Variants in DYDC2 observed in about 807,000 individuals in gnomAD.
DYDC2 encodes the protein DPY30 domain-containing protein 2.
Under a neutral mutation model 18.7 loss-of-function variants are expected in DYDC2, and 19 were observed. The observed-to-expected ratio is 1.02, with a 90% CI of 0.71 to 1.49. DYDC2 has a LOEUF of 1.49. Ranked by LOEUF, DYDC2 falls within the 40% of genes most tolerant of loss-of-function variation. DYDC2 has a pLI of 0.00. For synonymous variants in DYDC2, 63 were observed against 67.6 expected, an observed-to-expected ratio of 0.93 and a Z score of 0.34; for missense variants, 179 against 205.1, an observed-to-expected ratio of 0.87 and a Z score of 0.78.
Position 80,367,518 on chromosome 10 carries a change from G to T in DYDC2, c.*567G>T, listed in dbSNP as rs572581500. ...TATGGCTACTTGAGATAATGGGAGT[G>T]CTAGAAGCAAGGAGCCAGCAAGTCT... On this transcript the variant is annotated 3_prime_UTR_variant, in exon 5 of 5. Transcript: ENST00000256039. 2.0e-5 allele frequency: 3 copies of T among 152,552 alleles called. No homozygotes were observed. Among genetic ancestry groups the T allele is most frequent in the Admixed American group, 6.5e-5 (1 of 15,306 alleles). The allele number at this position is 152,552 out of a possible 1,614,324, so 9.4% of individuals were successfully genotyped here.
intron 1 of DYDC2, among the ~76,000 whole-genome samples, chr10:80,345,862 T>C (rs1373010166): frequency 2.0e-5 from 3 of 152,178 alleles, no homozygotes; most frequent in Admixed American, 6.5e-5. Flanking sequence ...GAGAAATACA[T>C]CTTACGTTTT....
intron 4 of DYDC2, among the ~76,000 whole-genome samples, chr10:80,365,047 C>A (rs574928429): frequency 4.2e-4 from 64 of 152,318 alleles, no homozygotes; most frequent in African/African-American, 1.5e-3. Context: ...AAACCAATTT[C>A]AAACTGGCCC....
In DYDC2 at chr10:80,357,920, T is replaced by G; in HGVS notation, c.-135T>G. On this transcript the variant is annotated 5_prime_UTR_variant, in exon 2 of 5. Transcript: ENST00000256039. ...CTCCCAGTGTGCCAAGCGTGGGCGG[T>G]ATACAGTAAACAAAGACAACCCCTA... 1.0e-6 allele frequency: 1 copy of G among 985,220 alleles called. No individual in the cohort carries two copies. The highest frequency in any genetic ancestry group is 4.7e-5 in the South Asian group (1 of 21,286). The allele number at this position is 985,220 out of a possible 1,614,324, so 61.0% of individuals were successfully genotyped here. A position where few individuals can be genotyped will look rare whatever the true frequency, so the allele number is the denominator to read the frequency against.
chr10:80,358,674 G>C (rs1589530362), intron 2 of DYDC2, among the ~76,000 whole-genome samples: 1 of 152,142 alleles, frequency 6.6e-6, no homozygotes, highest in Admixed American at 6.5e-5. Context: ...GGTAACTACA[G>C]GTCGCTTGGA....
At chr10:80,358,103 G>C in intron 2 of DYDC2, 58 bp downstream of exon 2, 1 of 978,768 alleles carries the variant, frequency 1.0e-6, no homozygotes, top group South Asian at 4.7e-5. Flanking sequence ...TTGGCCAGGC[G>C]CGGTGGCTCA....
At position 80,347,276 on chromosome 10, in the gene DYDC2, C is replaced by CTTTTTTTTTTTTTTTT. The variant is rs556362145; in HGVS notation, c.-310+2475_-310+2490dup. On this transcript the variant is annotated intron_variant, in intron 1 of 4. Transcript: ENST00000372197. The stretch of plus-strand genomic sequence containing the variant: ...CTTTGCCCATTTTTTAATTGGGATC[C>CTTTTTTTTTTTTTTTT]TTTTTTTTTTTTTTTTTTTTTTTTT... Among the ~76,000 whole-genome samples the CTTTTTTTTTTTTTTTT allele has an allele frequency of 1.0e-4, 9 of 90,114 alleles. 3 individuals are homozygous for CTTTTTTTTTTTTTTTT. Among genetic ancestry groups the CTTTTTTTTTTTTTTTT allele is most frequent in the South Asian group, 9.3e-4 (2 of 2,144 alleles). The allele number at this position is 90,114 out of a possible 152,430, so 59.1% of individuals were successfully genotyped here.
chr10:80,351,826 C>A (rs183462728), upstream of DYDC2: 193 of 1,354,026 alleles, frequency 1.4e-4, no homozygotes, highest in African/African-American at 2.6e-3. Flanking sequence ...GGAAGTTTAT[C>A]AACATTTAGG....
chr10:80,349,170 C>T (rs1487027941), intron 1 of DYDC2, among the ~76,000 whole-genome samples: 1 of 152,152 alleles, frequency 6.6e-6, no homozygotes, highest in Non-Finnish European at 1.5e-5. Context: ...GGATTACAGG[C>T]GTGAGCCACC....
At position 80,362,833 on chromosome 10, in the gene DYDC2, A is replaced by G. The variant is rs1198992834; in HGVS notation, c.148-118A>G. 4.3e-6 allele frequency: 6 copies of G among 1,388,306 alleles called. No homozygotes were observed. In the East Asian group the frequency reaches 1.2e-4, roughly 27 times the overall value. The allele number at this position is 1,388,306 out of a possible 1,614,324, so 86.0% of individuals were successfully genotyped here. On this transcript the variant is annotated intron_variant, in intron 3 of 4. Transcript: ENST00000256039. ...CTACTAGCAGGCTAAAGCTAGTTAC[A>G]AGAGGAAACTCAACAGGCCCAAAGA... is the stretch of plus-strand genomic sequence containing the variant.
upstream of DYDC2, chr10:80,352,636 C>T: frequency 6.3e-7 from 1 of 1,586,466 alleles, no homozygotes; most frequent in Non-Finnish European, 8.5e-7. Flanking sequence ...TTTTGCATTA[C>T]TGCAGGATAT....
chr10:80,364,373 CAGCAAAA>C, intron 4 of DYDC2, among the ~76,000 whole-genome samples: 1 of 152,144 alleles, frequency 6.6e-6, no homozygotes, highest in Non-Finnish European at 1.5e-5. Flanking sequence ...GAGGATCATT[CAGCAAAA>C]TTTGTCATCA....
At chr10:80,365,905 G>A (rs1038280028) in intron 4 of DYDC2, among the ~76,000 whole-genome samples, 1 of 151,602 alleles carries the variant, frequency 6.6e-6, no homozygotes, top group East Asian at 1.9e-4. Flanking sequence ...CATTTTCTCT[G>A]CTGATACATC....
chr10:80,358,079 TA>T, intron 2 of DYDC2, 34 bp downstream of exon 2: 1 of 985,412 alleles, frequency 1.0e-6, no homozygotes, highest in Non-Finnish European at 1.2e-6. Flanking sequence ...GAGTGGGCTT[TA>T]AAAGGCATCC....
intron 1 of DYDC2, among the ~76,000 whole-genome samples, chr10:80,347,370 A>G (rs1842732666): frequency 1.5e-5 from 2 of 137,078 alleles, no homozygotes; most frequent in African/African-American, 2.8e-5. Flanking sequence ...TATCAGATAT[A>G]TGGTTCACAA....
At chr10:80,359,832 C>T (rs1843608704) in intron 2 of DYDC2, among the ~76,000 whole-genome samples, 1 of 152,134 alleles carries the variant, frequency 6.6e-6, no homozygotes, top group African/African-American at 2.4e-5. Flanking sequence ...CGCTGGCCTG[C>T]GAGTGCCACA....
Position 80,362,989 on chromosome 10 carries a change from C to T in DYDC2, c.186C>T (p.Asp62=). 1.9e-6 allele frequency: 3 copies of T among 1,613,994 alleles called. No individual in the cohort carries two copies. The highest frequency in any genetic ancestry group is 2.5e-6 in the Non-Finnish European group (3 of 1,179,976). Residue 62 remains aspartate (D), a synonymous_variant, in exon 4 of 5, where the codon GAC becomes GAT. Coordinates refer to ENST00000256039, the MANE Select transcript of DYDC2 (RefSeq NM_032372.6). ...AGATCCACCTGCAGGAGGAATATGA[C>T]AGTAGCCTCAAGGAAATGGAAATGA... ...EKKIHLQEEY[D]SSLKEMEMTE...
In DYDC2 at chr10:80,361,190, T is replaced by A. The variant is rs188948662; in HGVS notation, c.-9-1245T>A. ...TCTTTTTTTTTTCATACCCTCAACA[T>A]TTTTAAGAGTACAGGGTAGTTGCTT... On this transcript the variant is annotated intron_variant, in intron 2 of 4. Transcript: ENST00000256039. Among the ~76,000 whole-genome samples, 28 of 152,294 alleles carry A rather than the reference T, an allele frequency of 1.8e-4. No individual in the cohort carries two copies. The East Asian group carries it at 4.8e-3, about 26-fold the overall frequency.
At chr10:80,359,053 A>G (rs1843576440) in intron 2 of DYDC2, among the ~76,000 whole-genome samples, 1 of 152,200 alleles carries the variant, frequency 6.6e-6, no homozygotes, top group Non-Finnish European at 1.5e-5. Context: ...GGGAACCCAG[A>G]GCAGGTTGCA....
upstream of DYDC2, chr10:80,356,738 CAGGAGCG>C: frequency 1.0e-6 from 1 of 985,456 alleles, no homozygotes; most frequent in South Asian, 4.7e-5. Flanking sequence ...GCTCGCCACC[CAGGAGCG>C]GCGTCCCGTT....
Sources: gnomAD v4.1 joint callset for allele counts (sites outside exome capture counted in the v4.1 genomes callset) on GRCh38, gnomAD v4.1.1 for gene constraint, MANE v1.5 for transcripts, NCBI Gene and HGNC (gene_info 2026-07-23, HGNC 2026-07-21) for gene names.